The following SAMD4A variants were observed in gnomAD, a reference collection of about 807,000 sequenced individuals.
The protein encoded by SAMD4A is sterile alpha motif domain containing 4A.
A neutral mutation model predicts 81.3 loss-of-function variants in SAMD4A; 33 were observed. That is an observed-to-expected ratio of 0.41 (90% confidence interval 0.31 to 0.54). The LOEUF (loss-of-function observed/expected upper bound fraction) is 0.54. SAMD4A is among the 20% of genes least tolerant of loss of function. SAMD4A has a pLI of 0.37. For missense variants in SAMD4A, 854 were observed against 951.1 expected (o/e 0.90, Z 1.34); for synonymous variants, 389 against 382.1 (o/e 1.02, Z -0.21).
In SAMD4A at chr14:54,776,507, T is replaced by C; in HGVS notation, c.2011T>C (p.Ser671Pro). 6.3e-7 allele frequency: 1 copy of C among 1,589,902 alleles called. No individual in the cohort carries two copies. ...GACCCGCTCGCTGCCCGTGCACACTTCCCCACAGAACATGCTGATGTTCCA... is the reference window on the plus strand; with the variant it reads ...GACCCGCTCGCTGCCCGTGCACACTCCCCCACAGAACATGCTGATGTTCCA... ...QRTRSLPVHT[S>P]PQNMLMFQQP... The change falls in exon 11 of 13, where the codon TCC becomes CCC. Residue 671 changes from serine to proline, a missense_variant. Coordinates refer to ENST00000554335, the MANE Select transcript of SAMD4A (RefSeq NM_015589.6).
At chr14:54,724,196 T>A (rs2037355583) in intron 3 of SAMD4A, among the ~76,000 whole-genome samples, 1 of 152,174 alleles carries the variant, frequency 6.6e-6, no homozygotes, top group African/African-American at 2.4e-5. Context: ...ATTTTGAATA[T>A]CGATTGTTCA....
intron 11 of SAMD4A, among the ~76,000 whole-genome samples, chr14:54,779,199 T>C (rs1342778439): frequency 6.6e-6 from 1 of 152,216 alleles, no homozygotes; most frequent in Non-Finnish European, 1.5e-5. Flanking sequence ...TCCCGGGGCT[T>C]GTGGCCAGGC....
At position 54,670,343 on chromosome 14, in the gene SAMD4A, T is replaced by G. The variant is rs1005997751; in HGVS notation, c.197-31719T>G. Among the ~76,000 whole-genome samples the G allele has an allele frequency of 5.3e-5, 8 of 152,326 alleles. 1 individual carries two copies. The South Asian group carries it at 1.7e-3, about 32-fold the overall frequency. ...GCATGTGTAAGGGTAGCTTTTCACA[T>G]AAAAGACCAAAACCACGAAATCCAG... On this transcript the variant is annotated intron_variant, in intron 2 of 12. Coordinates refer to ENST00000554335, the MANE Select transcript of SAMD4A (RefSeq NM_015589.6).
At chr14:54,637,828 G>T (rs556163650) in intron 2 of SAMD4A, among the ~76,000 whole-genome samples, 1 of 152,318 alleles carries the variant, frequency 6.6e-6, no homozygotes, top group Non-Finnish European at 1.5e-5. Flanking sequence ...CCCAGTTGAT[G>T]AAATTTATTT....
chr14:54,613,124 A>G (rs1011288865), intron 2 of SAMD4A, among the ~76,000 whole-genome samples: 6 of 113,592 alleles, frequency 5.3e-5, no homozygotes, highest in Non-Finnish European at 1.1e-4. Flanking sequence ...AAGAAAGAAA[A>G]AGAGAGAGAG....
intron 3 of SAMD4A, among the ~76,000 whole-genome samples, chr14:54,706,017 G>A (rs2036842195): frequency 6.6e-6 from 1 of 152,140 alleles, no homozygotes; most frequent in African/African-American, 2.4e-5. Context: ...TGCTGTGAAT[G>A]TACAGAATGG....
chr14:54,724,035 AGGAAG>A (rs1461649435), intron 3 of SAMD4A, among the ~76,000 whole-genome samples: 1 of 151,374 alleles, frequency 6.6e-6, no homozygotes, highest in African/African-American at 2.4e-5. Flanking sequence ...GAAGGAAGGA[AGGAAG>A]GAAGGAAGGA....
chr14:54,590,626 C>T (rs1447878057), intron 2 of SAMD4A, among the ~76,000 whole-genome samples: 1 of 152,208 alleles, frequency 6.6e-6, no homozygotes, highest in Non-Finnish European at 1.5e-5. Context: ...CTTCTCCTCT[C>T]CTAGCTGGTG....
intron 2 of SAMD4A, among the ~76,000 whole-genome samples, chr14:54,625,136 T>A (rs1251801285): frequency 6.6e-6 from 1 of 152,126 alleles, no homozygotes; most frequent in Non-Finnish European, 1.5e-5. Flanking sequence ...CCCAGCTCTT[T>A]CCCCACAGCC....
At chr14:54,660,748 C>T (rs1281963931) in intron 2 of SAMD4A, among the ~76,000 whole-genome samples, 1 of 152,250 alleles carries the variant, frequency 6.6e-6, no homozygotes, top group Non-Finnish European at 1.5e-5. Flanking sequence ...CCTTGAACCA[C>T]ATTTACACAG....
intron 8 of SAMD4A, among the ~76,000 whole-genome samples, chr14:54,766,154 T>C (rs1256481419): frequency 2.6e-5 from 4 of 152,222 alleles, no homozygotes; most frequent in African/African-American, 9.6e-5. Flanking sequence ...AAGGCTTATT[T>C]GTGACTTTGT....
At chr14:54,785,552 C>T (rs1459482384) in intron 12 of SAMD4A, among the ~76,000 whole-genome samples, 3 of 152,220 alleles carry the variant, frequency 2.0e-5, no homozygotes, top group African/African-American at 7.2e-5. Context: ...GCCAAAAGGC[C>T]GAGAAGCGAT....
Position 54,754,881 on chromosome 14 carries a change from T to C in SAMD4A, c.1176+3344T>C, listed in dbSNP as rs997216744. On this transcript the variant is annotated intron_variant, in intron 6 of 12. Transcript: ENST00000554335. ...GCTGCCTGGGACTCAATTTGCCCCA[T>C]CCATTGGAGATTAACCGTGAGTCAT... The C allele has an allele frequency of 3.0e-6, 3 of 986,852 alleles. No homozygotes were observed. The African/African-American group carries it at 5.2e-5, about 17-fold the overall frequency. 61.1% of individuals were successfully genotyped at this position (986,852 alleles called of 1,614,324 possible).
intron 2 of SAMD4A, among the ~76,000 whole-genome samples, chr14:54,643,044 A>G (rs1270567980): frequency 6.6e-6 from 1 of 152,198 alleles, no homozygotes; most frequent in African/African-American, 2.4e-5. Flanking sequence ...TTCCTCTAAT[A>G]TTTGGATAGA....
At chr14:54,665,152 C>G (rs2035730212) in intron 2 of SAMD4A, among the ~76,000 whole-genome samples, 1 of 151,994 alleles carries the variant, frequency 6.6e-6, no homozygotes, top group Admixed American at 6.5e-5. Context: ...TTTGAGAACC[C>G]TCAGGAAGAA....
At chr14:54,763,235 C>T (rs1258611378) in intron 7 of SAMD4A, among the ~76,000 whole-genome samples, 2 of 151,626 alleles carry the variant, frequency 1.3e-5, no homozygotes, top group African/African-American at 4.9e-5. Flanking sequence ...AATACTATAG[C>T]CGGACACGGT....
In SAMD4A at chr14:54,784,151, G is replaced by A. The variant is rs1021894618; in HGVS notation, c.2045-386G>A. The A allele has an allele frequency of 1.4e-5, 8 of 574,388 alleles. No homozygotes were observed. The African/African-American group carries it at 1.5e-4, about 11-fold the overall frequency. 35.6% of individuals were successfully genotyped at this position (574,388 alleles called of 1,614,324 possible). On this transcript the variant is annotated intron_variant, in intron 11 of 12. Transcript: ENST00000554335. Reference sequence around the variant, plus strand: ...AAGGCCGTGAGGTAGGAGGGGGCCTGGGGCAGAGCAGAGGAAGGAGAGAGC... The same window carrying A: ...AAGGCCGTGAGGTAGGAGGGGGCCTAGGGCAGAGCAGAGGAAGGAGAGAGC...
At chr14:54,764,305 A>G in intron 7 of SAMD4A, 150 bp from the exon 8 acceptor site, 1 of 629,082 alleles carries the variant, frequency 1.6e-6, no homozygotes, top group Non-Finnish European at 2.8e-6. Flanking sequence ...CTGTGGAATG[A>G]GGAGCCTCTT....
chr14:54,775,564 G>A (rs1221617066), intron 10 of SAMD4A, among the ~76,000 whole-genome samples: 2 of 152,156 alleles, frequency 1.3e-5, no homozygotes, highest in Non-Finnish European at 2.9e-5. Flanking sequence ...CTGAGAGAGT[G>A]TGCCAGGGGG....
Sources: allele counts gnomAD v4.1 joint callset (sites outside exome capture counted in the v4.1 genomes callset), GRCh38; gene constraint gnomAD v4.1.1; transcripts MANE v1.5; gene names NCBI Gene and HGNC (gene_info 2026-07-23, HGNC 2026-07-21).